ST18: variants seen among roughly 807,000 people sequenced by gnomAD.
The protein encoded by ST18 is ST18 C2H2C-type zinc finger transcription factor, also known as suppression of tumorigenicity 18 protein.
Under a neutral mutation model 110.0 loss-of-function variants are expected in ST18, and 50 were observed. That is an observed-to-expected ratio of 0.45 (90% CI 0.36 to 0.58). The LOEUF (loss-of-function observed/expected upper bound fraction) is 0.58, where lower values mean the gene tolerates loss of function less well. ST18 is among the 20% of genes least tolerant of loss of function. ST18 has a pLI of 0.00. For synonymous variants in ST18, 461 were observed against 452.4 expected, an observed-to-expected ratio of 1.02 and a Z score of -0.24; for missense variants, 1,306 against 1,280.1, an observed-to-expected ratio of 1.02 and a Z score of -0.31.
chr8:52,133,139 T>C lies in ST18; in HGVS notation c.2364-2A>G. ...CTTGCACGAGGGCATCCGGACAAGC[T>C]GAAATAGGGACCCGACAAAGAACAA... On this transcript the variant is annotated splice_acceptor_variant, in intron 20 of 25. Coordinates refer to ENST00000689386, the MANE Select transcript of ST18 (RefSeq NM_001352837.2). LOFTEE classifies it high-confidence loss of function. The C allele has an allele frequency of 6.2e-7, 1 of 1,614,174 alleles. No homozygotes were observed. The highest frequency in any genetic ancestry group is 2.2e-5 in the East Asian group (1 of 44,886).
In ST18 at chr8:52,132,014, G is replaced by A; in HGVS notation, c.2610C>T (p.Pro870=). ...KLNKQELPHC[P]LPGCNGLGHV... ...GGCCCAGCCCATTGCAGCCTGGCAA[G>A]GGACAATGTGGTAGCTCTTGTTTGT... Residue 870 remains proline, a synonymous_variant, in exon 22 of 26, where the codon CCC becomes CCT. Transcript: ENST00000689386. The A allele has an allele frequency of 6.2e-7, 1 of 1,614,226 alleles. No homozygotes were observed. The highest frequency in any genetic ancestry group is 8.5e-7 in the Non-Finnish European group (1 of 1,180,040).
At chr8:52,145,079 C>T (rs539142498) in intron 16 of ST18, among the ~76,000 whole-genome samples, 4 of 149,042 alleles carry the variant, frequency 2.7e-5, no homozygotes, top group Non-Finnish European at 5.9e-5. Flanking sequence ...TTAACGAAAA[C>T]GGCATAAAGT....
At chr8:52,216,576 A>G (rs1588671469) in intron 6 of ST18, among the ~76,000 whole-genome samples, 3 of 152,142 alleles carry the variant, frequency 2.0e-5, no homozygotes, top group African/African-American at 7.2e-5. Context: ...CATTGTGTCT[A>G]CTCAAGTCTG....
At chr8:52,325,443 G>A (rs554665603) in intron 2 of ST18, among the ~76,000 whole-genome samples, 9 of 152,134 alleles carry the variant, frequency 5.9e-5, no homozygotes, top group African/African-American at 2.2e-4. Context: ...TTCTACTGGA[G>A]GTAATCTAAG....
intron 22 of ST18, among the ~76,000 whole-genome samples, chr8:52,130,119 A>AAAAGAAAGAAAG (rs1207799704): frequency 0.17 from 18,115 of 104,550 alleles, 1,882 homozygotes; most frequent in Middle Eastern, 0.23. Flanking sequence ...AGAAAGAAAG[A>AAAAGAAAGAAAG]AAAGAAAGAA....
chr8:52,253,025 C>T (rs1199491615), intron 2 of ST18, among the ~76,000 whole-genome samples: 2 of 151,422 alleles, frequency 1.3e-5, no homozygotes, highest in African/African-American at 4.8e-5. Flanking sequence ...AACATTTCTT[C>T]ATCAGTTTTT....
intron 16 of ST18, 36 bp from the exon 17 acceptor site, chr8:52,143,081 G>T: frequency 7.4e-7 from 1 of 1,355,912 alleles, no homozygotes. Context: ...AAACACAGAA[G>T]CCATTAGGGA....
intron 23 of ST18, among the ~76,000 whole-genome samples, chr8:52,124,333 C>T (rs570683910): frequency 6.6e-5 from 10 of 152,192 alleles, no homozygotes; most frequent in Non-Finnish European, 1.5e-4. Flanking sequence ...TGCCACCACA[C>T]TGGCTAATTT....
intron 2 of ST18, among the ~76,000 whole-genome samples, chr8:52,328,066 A>C (rs2140019798): frequency 6.6e-6 from 1 of 152,328 alleles, no homozygotes; most frequent in East Asian, 1.9e-4. Flanking sequence ...ACAAAGCCTA[A>C]AGTGCATCCT....
chr8:52,348,988 C>T (rs1340192060), intron 2 of ST18, among the ~76,000 whole-genome samples: 1 of 152,122 alleles, frequency 6.6e-6, no homozygotes, highest in East Asian at 1.9e-4. Context: ...CTTTGACCAA[C>T]ATCTCCCCCA....
intron 2 of ST18, among the ~76,000 whole-genome samples, chr8:52,284,823 A>G (rs1197600527): frequency 6.6e-6 from 1 of 152,104 alleles, no homozygotes; most frequent in East Asian, 1.9e-4. Context: ...CCACCCCCCA[A>G]AAAAATCAAA....
intron 9 of ST18, among the ~76,000 whole-genome samples, chr8:52,175,279 T>A (rs563944503): frequency 1.1e-4 from 16 of 152,284 alleles, no homozygotes; most frequent in Admixed American, 9.2e-4. Flanking sequence ...AGGGATTCTA[T>A]GCAACCTTTA....
chr8:52,333,348 A>C (rs1589994964), intron 2 of ST18, among the ~76,000 whole-genome samples: 2 of 152,222 alleles, frequency 1.3e-5, no homozygotes, highest in South Asian at 4.1e-4. Flanking sequence ...CTGAGAGAAC[A>C]CCACTGAGAA....
intron 6 of ST18, among the ~76,000 whole-genome samples, chr8:52,217,286 G>T (rs535718478): frequency 3.3e-5 from 5 of 152,052 alleles, no homozygotes; most frequent in Non-Finnish European, 7.4e-5. Context: ...TCCTAAAATG[G>T]GTTCCTCCTG....
chr8:52,173,813 C>T (rs1477777096), intron 9 of ST18, among the ~76,000 whole-genome samples: 2 of 152,216 alleles, frequency 1.3e-5, no homozygotes, highest in Non-Finnish European at 2.9e-5. Flanking sequence ...TAATAAACAT[C>T]TTTGGAGGGA....
rs1397349630 is a variant in ST18, at chr8:52,133,048, T to A, written c.2444+9A>T. The A allele has an allele frequency of 6.2e-7, 1 of 1,614,084 alleles. No homozygotes were observed. ...CAGCTGACCCCCATGTCTCAACTGT[T>A]GCACTTACTTCAGTTCAGGGTCTTC... On this transcript the variant is annotated intron_variant, in intron 21 of 25. Coordinates refer to ENST00000689386, the MANE Select transcript of ST18 (RefSeq NM_001352837.2).
At chr8:52,381,316 C>A (rs1299704064) in intron 2 of ST18, among the ~76,000 whole-genome samples, 1 of 152,134 alleles carries the variant, frequency 6.6e-6, no homozygotes, top group South Asian at 2.1e-4. Flanking sequence ...AGACGTCATT[C>A]CCCAACAAAG....
intron 8 of ST18, among the ~76,000 whole-genome samples, chr8:52,184,796 T>C (rs1464178317): frequency 6.6e-6 from 1 of 152,114 alleles, no homozygotes; most frequent in African/African-American, 2.4e-5. Flanking sequence ...AATGCAAAAA[T>C]AAACAGAGAT....
intron 2 of ST18, among the ~76,000 whole-genome samples, chr8:52,328,894 G>A (rs1409993372): frequency 6.6e-6 from 1 of 152,064 alleles, no homozygotes; most frequent in East Asian, 1.9e-4. Context: ...CACATCTATT[G>A]GGGGTGCTGG....
Sources: gnomAD v4.1 joint callset for allele counts (sites outside exome capture counted in the v4.1 genomes callset) on GRCh38, gnomAD v4.1.1 for gene constraint, MANE v1.5 for transcripts, NCBI Gene and HGNC (gene_info 2026-07-23, HGNC 2026-07-21) for gene names.